Variants in CTNNA3 observed in about 807,000 individuals in gnomAD.
CTNNA3 encodes catenin alpha 3.
A neutral mutation model predicts 95.7 loss-of-function variants in CTNNA3; 76 were observed. That is an observed-to-expected ratio of 0.79 (90% CI 0.66 to 0.96). The LOEUF (loss-of-function observed/expected upper bound fraction) is 0.96. Ranked by LOEUF, CTNNA3 falls within the 40% of genes least tolerant of loss-of-function variation. The pLI is 0.00. For synonymous variants in CTNNA3, 431 were observed against 374.4 expected, an observed-to-expected ratio of 1.15 and a Z score of -1.74; for missense variants, 1,191 against 1,089.8, an observed-to-expected ratio of 1.09 and a Z score of -1.31.
intron 10 of CTNNA3, among the ~76,000 whole-genome samples, chr10:66,564,146 G>T (rs1418805771): frequency 6.6e-6 from 1 of 152,050 alleles, no homozygotes; most frequent in Non-Finnish European, 1.5e-5. Flanking sequence ...CTCCTTTATA[G>T]GAATAATCGA....
At chr10:66,179,228 A>G (rs2085903556) in intron 13 of CTNNA3, among the ~76,000 whole-genome samples, 3 of 152,078 alleles carry the variant, frequency 2.0e-5, no homozygotes, top group Admixed American at 6.6e-5. Context: ...AGCAATTAAA[A>G]AAACGAACCT....
intron 5 of CTNNA3, among the ~76,000 whole-genome samples, chr10:67,441,390 T>C (rs1464665437): frequency 6.6e-6 from 1 of 151,996 alleles, no homozygotes; most frequent in Non-Finnish European, 1.5e-5. Context: ...TGATAGAAAG[T>C]TTATTCAAAA....
chr10:66,332,960 G>C (rs2092349083), intron 12 of CTNNA3, among the ~76,000 whole-genome samples: 1 of 152,058 alleles, frequency 6.6e-6, no homozygotes, highest in Non-Finnish European at 1.5e-5. Flanking sequence ...TCTTGGGAGG[G>C]TGTATGTGTC....
At chr10:66,241,166 CA>C in intron 13 of CTNNA3, among the ~76,000 whole-genome samples, 1 of 148,610 alleles carries the variant, frequency 6.7e-6, no homozygotes, top group Non-Finnish European at 1.5e-5. Flanking sequence ...TAAAAAAAAA[CA>C]AAATAAATGC....
chr10:67,373,623 T>C (rs534808504), intron 5 of CTNNA3, among the ~76,000 whole-genome samples: 4 of 152,138 alleles, frequency 2.6e-5, no homozygotes, highest in Admixed American at 2.6e-4. Context: ...CACCAAGATC[T>C]CCACTTGTTA....
chr10:66,730,388 G>A (rs952056034), intron 9 of CTNNA3, among the ~76,000 whole-genome samples: 13 of 152,100 alleles, frequency 8.5e-5, no homozygotes, highest in African/African-American at 2.4e-4. Flanking sequence ...CTTATAAGTG[G>A]GAGCTGAATG....
chr10:67,112,102 T>C (rs541813532), intron 7 of CTNNA3, among the ~76,000 whole-genome samples: 1 of 152,282 alleles, frequency 6.6e-6, no homozygotes, highest in African/African-American at 2.4e-5. Flanking sequence ...GTTCTCTCAA[T>C]GGAAATAATG....
chr10:67,374,203 A>G (rs921757153), intron 5 of CTNNA3, among the ~76,000 whole-genome samples: 2 of 152,060 alleles, frequency 1.3e-5, no homozygotes, highest in African/African-American at 4.8e-5. Flanking sequence ...CGATTACTCA[A>G]CTCTGCTTTT....
intron 13 of CTNNA3, among the ~76,000 whole-genome samples, chr10:66,106,054 A>C (rs1201872784): frequency 2.6e-5 from 4 of 151,976 alleles, no homozygotes; most frequent in African/African-American, 4.8e-5. Flanking sequence ...CTAAAAATAC[A>C]AAATTAGCTG....
intron 1 of CTNNA3, among the ~76,000 whole-genome samples, chr10:67,676,902 C>G (rs1249889841): frequency 6.6e-6 from 1 of 152,138 alleles, no homozygotes; most frequent in Non-Finnish European, 1.5e-5. Flanking sequence ...TCTAGGGTAA[C>G]ATAGGCCACA....
chr10:67,209,578 A>G (rs915553552), intron 6 of CTNNA3, among the ~76,000 whole-genome samples: 2 of 152,216 alleles, frequency 1.3e-5, no homozygotes, highest in East Asian at 3.8e-4. Context: ...CTTTCAAAAC[A>G]TGAATTAAGC....
intron 9 of CTNNA3, among the ~76,000 whole-genome samples, chr10:66,763,896 C>T (rs1392943968): frequency 6.6e-6 from 1 of 152,184 alleles, no homozygotes; most frequent in Non-Finnish European, 1.5e-5. Context: ...ACTAGGCCAA[C>T]CTTTGGCAGG....
chr10:66,234,376 C>A (rs1462825), intron 13 of CTNNA3, among the ~76,000 whole-genome samples: 49,840 of 151,968 alleles, frequency 0.33, 8,967 homozygotes, highest in East Asian at 0.43. Flanking sequence ...TGAAGATACA[C>A]ACATACACAC....
At chr10:67,407,884 G>C (rs1348941406) in intron 5 of CTNNA3, among the ~76,000 whole-genome samples, 3 of 152,012 alleles carry the variant, frequency 2.0e-5, no homozygotes, top group South Asian at 2.1e-4. Flanking sequence ...TCTTTGAGAA[G>C]AACTACAAAC....
intron 1 of CTNNA3, among the ~76,000 whole-genome samples, chr10:67,664,327 A>G (rs9971324): frequency 0.13 from 20,095 of 152,148 alleles, 1,431 homozygotes; most frequent in Non-Finnish European, 0.16. Context: ...TTACTTTCAC[A>G]TAAGTTAGTG....
rs529676735 is a variant in CTNNA3, at chr10:66,839,027, T to A, written c.1048-63503A>T. Among the ~76,000 whole-genome samples, 6 of 47,674 alleles carry A rather than the reference T, an allele frequency of 1.3e-4. No homozygotes were observed. The Admixed American group carries it at 1.8e-3, about 14-fold the overall frequency. 31.3% of individuals were successfully genotyped at this position (47,674 alleles called of 152,430 possible). Reference sequence around the variant, plus strand: ...TTATCGATGTATGCCAATACATTCATACTTATAAAAAAAAAAACAGAATCA... The same window carrying A: ...TTATCGATGTATGCCAATACATTCAAACTTATAAAAAAAAAAACAGAATCA... On this transcript the variant is annotated intron_variant, in intron 7 of 17. Transcript: ENST00000433211.
intron 1 of CTNNA3, among the ~76,000 whole-genome samples, chr10:67,653,563 C>G (rs1008799665): frequency 4.6e-5 from 7 of 152,180 alleles, no homozygotes; most frequent in African/African-American, 1.7e-4. Flanking sequence ...AGCCCAGGCC[C>G]TACCAACTAT....
At chr10:67,645,823 T>C (rs889311888) in intron 2 of CTNNA3, among the ~76,000 whole-genome samples, 1 of 151,462 alleles carries the variant, frequency 6.6e-6, no homozygotes, top group Admixed American at 6.6e-5. Flanking sequence ...AGCAGCTTTA[T>C]TAAACCATGC....
intron 7 of CTNNA3, among the ~76,000 whole-genome samples, chr10:67,000,373 C>T (rs1466136646): frequency 3.3e-5 from 5 of 152,086 alleles, no homozygotes; most frequent in Admixed American, 6.6e-5. Context: ...AAGTTGATGG[C>T]GAATTGGCAC....
Sources: gnomAD v4.1 joint callset for allele counts (sites outside exome capture counted in the v4.1 genomes callset) on GRCh38, gnomAD v4.1.1 for gene constraint, MANE v1.5 for transcripts, NCBI Gene and HGNC (gene_info 2026-07-23, HGNC 2026-07-21) for gene names.